Variants in NOC2L observed in about 807,000 individuals in gnomAD.
NOC2L encodes nucleolar complex protein 2 homolog.
NOC2L carries 101 observed loss-of-function variants against 94.2 expected under a neutral mutation model. The ratio of observed to expected loss-of-function variants is 1.07; its 90% confidence interval spans 0.91 to 1.26. The LOEUF is 1.26. NOC2L is among the 50% of genes most tolerant of loss of function. NOC2L has a pLI of 0.00. For synonymous variants in NOC2L, 531 were observed against 413.4 expected, an observed-to-expected ratio of 1.28 and a Z score of -3.45; for missense variants, 1,076 against 980.1, an observed-to-expected ratio of 1.10 and a Z score of -1.31.
At chr1:958,700 A>C in intron 2 of NOC2L, 6 of 691,046 alleles carry the variant, frequency 8.7e-6, no homozygotes, top group Middle Eastern at 2.3e-4. Flanking sequence ...TAGATCGGGA[A>C]GAGATTTTTG....
chr1:951,117 C>G lies in NOC2L; in HGVS notation c.1443+10G>C. 6.4e-7 allele frequency: 1 copy of G among 1,561,244 alleles called. No individual in the cohort carries two copies. Among genetic ancestry groups the G allele is most frequent in the East Asian group, 2.4e-5 (1 of 42,084 alleles). On this transcript the variant is annotated intron_variant, in intron 12 of 18. Coordinates refer to ENST00000327044, the MANE Select transcript of NOC2L (RefSeq NM_015658.4). ...CAGAGGTGCCACACGCCCACCACAG[C>G]CTCACTCACCTCCAGGATGAAAGGC...
intron 12 of NOC2L, among the ~76,000 whole-genome samples, chr1:948,933 A>G (rs556997923): frequency 6.6e-6 from 1 of 152,210 alleles, no homozygotes; most frequent in East Asian, 1.9e-4. Context: ...CCTGCCACAC[A>G]GAGTACCAGG....
intron 4 of NOC2L, 25 bp downstream of exon 4, chr1:956,869 C>A: frequency 6.2e-7 from 1 of 1,612,258 alleles, no homozygotes; most frequent in Non-Finnish European, 8.5e-7. Flanking sequence ...GGGCACCCAG[C>A]TGCCCGCCCC....
rs748476609 is a variant in NOC2L, at chr1:959,256, C to T, written c.-16G>A. On this transcript the variant is annotated 5_prime_UTR_variant, in exon 1 of 19. Coordinates refer to ENST00000327044, the MANE Select transcript of NOC2L (RefSeq NM_015658.4). Reference sequence around the variant, plus strand: ...CAGCTGCCATGACACCAACCCGAAGCGTGCACCCCACTTCCGGCCCCAGAA... The same window carrying T: ...CAGCTGCCATGACACCAACCCGAAGTGTGCACCCCACTTCCGGCCCCAGAA... 1 of 1,601,896 alleles carries T rather than the reference C, an allele frequency of 6.2e-7. No homozygotes were observed. The highest frequency in any genetic ancestry group is 8.5e-7 in the Non-Finnish European group (1 of 1,175,148).
At chr1:958,414 T>C in intron 2 of NOC2L, 1 of 319,518 alleles carries the variant, frequency 3.1e-6, no homozygotes, top group South Asian at 2.5e-5. Context: ...CACGCCCGGC[T>C]AATTTTTATA....
At chr1:949,248 G>C (rs962009585) in intron 12 of NOC2L, among the ~76,000 whole-genome samples, 4 of 152,344 alleles carry the variant, frequency 2.6e-5, no homozygotes, top group African/African-American at 9.6e-5. Flanking sequence ...GAACCAGAGA[G>C]ATCCAGGGTA....
Position 944,524 on chromosome 1 carries a change from A to T in NOC2L, c.*170T>A. ...CAGCCACACCAGCCCAGCCCAGCCC[A>T]GCTCTCGATACGTTTGGTCTTTCAT... On this transcript the variant is annotated 3_prime_UTR_variant, in exon 19 of 19. Transcript: ENST00000327044. The T allele has an allele frequency of 1.6e-6, 1 of 624,174 alleles. No homozygotes were observed. 38.7% of individuals were successfully genotyped at this position (624,174 alleles called of 1,614,324 possible).
chr1:953,917 G>T, intron 7 of NOC2L, 25 bp from the exon 8 acceptor site: 1 of 1,609,624 alleles, frequency 6.2e-7, no homozygotes, highest in Non-Finnish European at 8.5e-7. Context: ...GGACAGTGAA[G>T]CCCCAAACCC....
At chr1:958,703 G>T (rs753802056) in intron 2 of NOC2L, 1 of 698,382 alleles carries the variant, frequency 1.4e-6, no homozygotes, top group Non-Finnish European at 2.6e-6. Flanking sequence ...ATCGGGAAGA[G>T]ATTTTTGCAC....
chr1:952,605 GGA>G lies in NOC2L; in HGVS notation c.1003-7_1003-6del. On this transcript the variant is annotated splice_region_variant and splice_polypyrimidine_tract_variant and intron_variant, in intron 9 of 18. Coordinates refer to ENST00000327044, the MANE Select transcript of NOC2L (RefSeq NM_015658.4). ...CACATACGTGATGTACATTTGCTGC[GGA>G]GAGACCCGGGTCAGAGCCACCTGGG... 6.2e-7 allele frequency: 1 copy of G among 1,613,462 alleles called. No homozygotes were observed. Among genetic ancestry groups the G allele is most frequent in the East Asian group, 2.2e-5 (1 of 44,882 alleles).
chr1:949,550 C>A (rs897543867), intron 12 of NOC2L, among the ~76,000 whole-genome samples: 1 of 152,194 alleles, frequency 6.6e-6, no homozygotes, highest in Non-Finnish European at 1.5e-5. Flanking sequence ...AGAGGAGAGG[C>A]CTGCATCCCT....
Position 957,171 on chromosome 1 carries a change from C to T in NOC2L, c.282G>A (p.Leu94=), listed in dbSNP as rs62639969. The change falls in exon 3 of 19, where the codon CTG becomes CTA. Residue 94 remains leucine (L), a synonymous_variant. Transcript: ENST00000327044. ...AGCTGTCCGAGTCGCTGAAGTTTAG[C>T]AGGCTCTGGTCATTCTCCTGCAGGA... ...YKFLQENDQS[L]LNFSDSDSSE... is the part of the protein sequence containing the mutation. 8.6e-4 allele frequency: 1,395 copies of T among 1,614,070 alleles called. 14 individuals are homozygous for T. In the African/African-American group the frequency reaches 0.016, roughly 19 times the overall value.
In NOC2L at chr1:944,593, C is replaced by G. The variant is rs1488420798; in HGVS notation, c.*101G>C. The G allele has an allele frequency of 9.9e-6, 7 of 709,138 alleles. No individual in the cohort carries two copies. The highest frequency in any genetic ancestry group is 1.6e-5 in the Non-Finnish European group (7 of 425,308). 43.9% of individuals were successfully genotyped at this position (709,138 alleles called of 1,614,324 possible). ...AAGCCTGTCCCGTGTCTACTGCCTC[C>G]CCCAACTGCACAGACGCCAGCCTCT... On this transcript the variant is annotated 3_prime_UTR_variant, in exon 19 of 19. Coordinates refer to ENST00000327044, the MANE Select transcript of NOC2L (RefSeq NM_015658.4).
At chr1:954,158 G>A (rs767364997) in intron 6 of NOC2L, 76 bp from the exon 7 acceptor site, 3 of 1,422,158 alleles carry the variant, frequency 2.1e-6, no homozygotes, top group Non-Finnish European at 2.9e-6. Flanking sequence ...GTTGGCGCGT[G>A]CCCTGGCCAG....
At chr1:957,305 G>T (rs750183271) in intron 2 of NOC2L, 32 bp from the exon 3 acceptor site, 13 of 1,608,568 alleles carry the variant, frequency 8.1e-6, no homozygotes, top group Non-Finnish European at 1.1e-5. Context: ...ACCCCAGTGG[G>T]AAGTGGAAGT....
chr1:949,227 C>T (rs1642192232), intron 12 of NOC2L, among the ~76,000 whole-genome samples: 1 of 152,168 alleles, frequency 6.6e-6, no homozygotes, highest in Non-Finnish European at 1.5e-5. Context: ...CACTAGGAGC[C>T]CTCAGGCTGT....
chr1:957,347 T>C (rs150075662), intron 2 of NOC2L, 74 bp from the exon 3 acceptor site: 22,187 of 1,434,580 alleles, frequency 0.015, 214 homozygotes, highest in Non-Finnish European at 0.019. Flanking sequence ...ACAGGGTCAG[T>C]CTACTCCCTT....
rs775089438 is a variant in NOC2L at position 956,020 on chromosome 1, C to T, written c.608-7G>A. 1.3e-5 allele frequency: 21 copies of T among 1,613,988 alleles called. No individual in the cohort carries two copies. The highest frequency in any genetic ancestry group is 4.5e-5 in the East Asian group (2 of 44,878). ...GTAACCAGAGCATTGAATGCTGCAA[C>T]GAAAAGGCCTGGATGTACTCACGGG... On this transcript the variant is annotated splice_polypyrimidine_tract_variant and splice_region_variant and intron_variant, in intron 5 of 18. Coordinates refer to ENST00000327044, the MANE Select transcript of NOC2L (RefSeq NM_015658.4).
At position 948,189 on chromosome 1, in the gene NOC2L, A is replaced by G. The variant is rs1386873373; in HGVS notation, c.1601T>C (p.Leu534Pro). The change falls in exon 14 of 19, where the codon CTG (leucine) becomes CCG (proline). Residue 534 changes from leucine (L) to proline (P), a missense_variant. By Grantham distance (98) the Leu-to-Pro change is moderately conservative. This residue lies in a region of NOC2L where 615 missense variants were observed against 577.4 expected (regional missense o/e 1.07). Coordinates refer to ENST00000327044, the MANE Select transcript of NOC2L (RefSeq NM_015658.4). ...GCCGATGCAGTGTGCCTGGCTGTGCAGGTACTCCAGGGTGAGGTCGTACAG... is the reference window on the plus strand; with the variant it reads ...GCCGATGCAGTGTGCCTGGCTGTGCGGGTACTCCAGGGTGAGGTCGTACAG... ...EQLYDLTLEY[L>P]HSQAHCIGFP... 2 of 1,589,952 alleles carry G rather than the reference A, an allele frequency of 1.3e-6. No individual in the cohort carries two copies. The highest frequency in any genetic ancestry group is 4.6e-5 in the East Asian group (2 of 43,800).
Sources: allele counts gnomAD v4.1 joint callset (sites outside exome capture counted in the v4.1 genomes callset), GRCh38; gene constraint gnomAD v4.1.1; regional missense constraint gnomAD v4.1.1; transcripts MANE v1.5; gene names NCBI Gene and HGNC (gene_info 2026-07-23, HGNC 2026-07-21).